DSE: variants seen among roughly 807,000 people sequenced by gnomAD.
The protein encoded by DSE is dermatan sulfate epimerase.
Under a neutral mutation model 84.4 loss-of-function variants are expected in DSE, and 36 were observed. That is an observed-to-expected ratio of 0.43 (90% confidence interval 0.33 to 0.56). The LOEUF (loss-of-function observed/expected upper bound fraction) is 0.56. Among genes scored for constraint, DSE ranks in the 20% least tolerant of loss-of-function variants. The pLI, the probability that DSE is intolerant of heterozygous loss-of-function variation, is 0.06. For synonymous variants in DSE, 410 were observed against 430.1 expected (o/e 0.95, Z 0.58); for missense variants, 862 against 1,169.6 (o/e 0.74, Z 3.84).
intron 2 of DSE, among the ~76,000 whole-genome samples, chr6:116,315,792 G>T (rs1775939191): frequency 6.6e-6 from 1 of 152,218 alleles, no homozygotes; most frequent in Admixed American, 6.5e-5. Flanking sequence ...AAGAGGTCAG[G>T]AGTTCGAGAC....
chr6:116,376,259 A>G (rs1362621867), intron 1 of DSE, among the ~76,000 whole-genome samples: 2 of 152,198 alleles, frequency 1.3e-5, no homozygotes, highest in Non-Finnish European at 1.5e-5. Context: ...TAATTCCTGC[A>G]AAGCCCTGGG....
intron 2 of DSE, among the ~76,000 whole-genome samples, chr6:116,361,789 T>C (rs994355478): frequency 6.6e-6 from 1 of 152,212 alleles, no homozygotes; most frequent in Non-Finnish European, 1.5e-5. Context: ...ATAAAGAAGC[T>C]TATATTTAGC....
rs549710164 is a variant in DSE, at chr6:116,271,485, A to G, written c.-54+12518A>G. 9.2e-5 allele frequency among the ~76,000 whole-genome samples: 14 copies of G among 152,292 alleles called. No homozygotes were observed. The South Asian group carries it at 2.5e-3, about 27-fold the overall frequency. On this transcript the variant is annotated intron_variant, in intron 2 of 3. Transcript: ENST00000430252. ...GTCAGAAATGGAAAAGGAAGCTCAG[A>G]GAGATTCTTGAGAGGGCCCCAGGGA...
At chr6:116,329,894 G>A (rs183973528) in intron 2 of DSE, among the ~76,000 whole-genome samples, 2 of 152,290 alleles carry the variant, frequency 1.3e-5, no homozygotes, top group African/African-American at 4.8e-5. Flanking sequence ...CGCGATCTCA[G>A]CTCAATGCAA....
At chr6:116,258,842 T>C (rs1318945298) in exon 2 of DSE, 5 of 1,608,384 alleles carry the variant, frequency 3.1e-6, no homozygotes, top group South Asian at 2.2e-5. Context: ...TGCTTGACGA[T>C]GCACACAGTC....
intron 1 of DSE, among the ~76,000 whole-genome samples, chr6:116,395,576 T>G (rs1448562951): frequency 1.3e-5 from 2 of 152,246 alleles, no homozygotes; most frequent in Non-Finnish European, 2.9e-5. Context: ...CCATTTACTT[T>G]TTTTTTACTT....
chr6:116,395,018 G>A (rs960815164), intron 1 of DSE, among the ~76,000 whole-genome samples: 7 of 152,248 alleles, frequency 4.6e-5, no homozygotes, highest in Admixed American at 4.6e-4. Context: ...GAAGTAGGGG[G>A]TGAATAGCTT....
chr6:116,306,401 T>C lies in DSE; in HGVS notation c.-54+47434T>C, dbSNP rs141881392. 2.7e-3 allele frequency among the ~76,000 whole-genome samples: 405 copies of C among 152,248 alleles called. 1 individual carries two copies. The highest frequency in any genetic ancestry group is 6.2e-3 in the South Asian group (30 of 4,826). On this transcript the variant is annotated intron_variant, in intron 2 of 3. Transcript: ENST00000430252. ...AAAAGAAATTTTAAGCTCATAAACA[T>C]TATGCTCAGGGAGTTTCTACAATCA...
chr6:116,414,652 T>A (rs1782584912), intron 2 of DSE, among the ~76,000 whole-genome samples: 1 of 152,298 alleles, frequency 6.6e-6, no homozygotes, highest in East Asian at 1.9e-4. Context: ...CCTCAGGTGA[T>A]CCGCCTGCCT....
intron 1 of DSE, among the ~76,000 whole-genome samples, chr6:116,384,456 C>G (rs1292538329): frequency 6.6e-6 from 1 of 152,160 alleles, no homozygotes; most frequent in Non-Finnish European, 1.5e-5. Flanking sequence ...TCACCTAGAC[C>G]TAGCAGCCTG....
At chr6:116,397,759 G>A (rs1781354086) in intron 1 of DSE, among the ~76,000 whole-genome samples, 1 of 152,082 alleles carries the variant, frequency 6.6e-6, no homozygotes, top group Admixed American at 6.5e-5. Flanking sequence ...ATTTAGTATG[G>A]CTATATTAAT....
chr6:116,421,700 A>G (rs1783106561), intron 2 of DSE, among the ~76,000 whole-genome samples: 3 of 151,870 alleles, frequency 2.0e-5, no homozygotes, highest in South Asian at 2.1e-4. Context: ...GGCTCAGGCA[A>G]TCCTCCTACC....
intron 2 of DSE, among the ~76,000 whole-genome samples, chr6:116,326,549 G>A (rs1045016487): frequency 3.9e-5 from 6 of 152,128 alleles, no homozygotes; most frequent in East Asian, 1.9e-4. Flanking sequence ...CCCATGCTGC[G>A]GCACCACCGG....
chr6:116,279,209 C>T, intron 2 of DSE: 2 of 1,610,080 alleles, frequency 1.2e-6, no homozygotes, highest in Non-Finnish European at 1.7e-6. Flanking sequence ...TCCAATCTAT[C>T]CTCCTCCGCC....
At chr6:116,273,826 G>GT (rs1350705791) in intron 2 of DSE, among the ~76,000 whole-genome samples, 74 of 88,880 alleles carry the variant, frequency 8.3e-4, no homozygotes, top group African/African-American at 3.3e-3. Context: ...CAAAAAGTAT[G>GT]TTTTTTTGTT....
At chr6:116,431,312 A>G in intron 4 of DSE, 119 bp downstream of exon 4, 1 of 1,362,790 alleles carries the variant, frequency 7.3e-7, no homozygotes, top group Non-Finnish European at 9.7e-7. Context: ...TTGAAATTAA[A>G]TAGATTTTTT....
chr6:116,369,831 G>A, upstream of DSE: 12 of 1,099,064 alleles, frequency 1.1e-5, no homozygotes, highest in South Asian at 1.6e-4. Flanking sequence ...ATAGAAGTGA[G>A]AACCTCTGAG....
intron 2 of DSE, among the ~76,000 whole-genome samples, chr6:116,287,926 A>G (rs1315409508): frequency 6.6e-6 from 1 of 152,136 alleles, no homozygotes; most frequent in Non-Finnish European, 1.5e-5. Context: ...CTCTGATGGA[A>G]GAACTATGGG....
intron 2 of DSE, among the ~76,000 whole-genome samples, chr6:116,338,201 T>C (rs540388822): frequency 6.9e-5 from 10 of 145,904 alleles, no homozygotes; most frequent in African/African-American, 2.7e-4. Context: ...TTCTTTCTTC[T>C]TACCTTCTTT....
Sources: allele counts gnomAD v4.1 joint callset (sites outside exome capture counted in the v4.1 genomes callset), GRCh38; gene constraint gnomAD v4.1.1; transcripts MANE v1.5; gene names NCBI Gene and HGNC (gene_info 2026-07-23, HGNC 2026-07-21).